The following GRIA2 variants were observed in gnomAD, a reference collection of about 807,000 sequenced individuals.
The protein encoded by GRIA2 is glutamate receptor 2.
Under a neutral mutation model 97.3 loss-of-function variants are expected in GRIA2, and 14 were observed. The observed-to-expected ratio is 0.14, with a 90% CI of 0.10 to 0.23. The LOEUF is 0.23. Among genes scored for constraint, GRIA2 ranks in the 10% least tolerant of loss-of-function variants. GRIA2 has a pLI of 1.00. For missense variants in GRIA2, 558 were observed against 1,069.8 expected, an observed-to-expected ratio of 0.52 and a Z score of 6.67; for synonymous variants, 412 against 387.8, an observed-to-expected ratio of 1.06 and a Z score of -0.73.
intron 2 of GRIA2, among the ~76,000 whole-genome samples, chr4:157,289,754 A>G (rs531907561): frequency 1.3e-5 from 2 of 152,012 alleles, no homozygotes; most frequent in South Asian, 4.1e-4. Context: ...AGACACACAT[A>G]CACAAACACT....
intron 12 of GRIA2, among the ~76,000 whole-genome samples, chr4:157,356,071 ATATT>A (rs1328583714): frequency 4.4e-4 from 44 of 99,092 alleles, no homozygotes; most frequent in Middle Eastern, 6.8e-3. Context: ...TTATATATTT[ATATT>A]TATTTATTTA....
At position 157,247,002 on chromosome 4, in the gene GRIA2, T is replaced by G. The variant is rs949985153; in HGVS notation, c.229+25195T>G. ...TATGCTTTAACTCATTTTCTTTCAC[T>G]AGTAGATAGGAACATGGTACTTGGC... On this transcript the variant is annotated intron_variant, in intron 2 of 15. Transcript: ENST00000264426. Among the ~76,000 whole-genome samples the G allele has an allele frequency of 2.6e-5, 4 of 152,180 alleles. No homozygotes were observed. The East Asian group carries it at 7.7e-4, about 29-fold the overall frequency.
At chr4:157,314,641 TAG>T (rs1560761593) in intron 4 of GRIA2, among the ~76,000 whole-genome samples, 1 of 152,150 alleles carries the variant, frequency 6.6e-6, no homozygotes, top group Non-Finnish European at 1.5e-5. Flanking sequence ...TAATAAATGT[TAG>T]TGAAAGACTA....
At chr4:157,340,271 AGAGTT>A (rs1235176558) in intron 11 of GRIA2, among the ~76,000 whole-genome samples, 2 of 152,004 alleles carry the variant, frequency 1.3e-5, no homozygotes, top group African/African-American at 4.8e-5. Flanking sequence ...TAGACATAGT[AGAGTT>A]ATTGACAACA....
intron 12 of GRIA2, 103 bp downstream of exon 12, chr4:157,341,565 AC>A: frequency 1.3e-6 from 1 of 757,384 alleles, no homozygotes; most frequent in Non-Finnish European, 2.3e-6. Context: ...ATGTGAAAGC[AC>A]CCCTAATTCT....
chr4:157,263,776 T>G (rs1341258148), intron 2 of GRIA2, among the ~76,000 whole-genome samples: 1 of 152,018 alleles, frequency 6.6e-6, no homozygotes, highest in African/African-American at 2.4e-5. Flanking sequence ...ATTCAATAGT[T>G]TTGTCCAATG....
At chr4:157,327,920 T>A (rs1734878074) in intron 6 of GRIA2, among the ~76,000 whole-genome samples, 1 of 152,110 alleles carries the variant, frequency 6.6e-6, no homozygotes, top group Admixed American at 6.6e-5. Flanking sequence ...TAGAATTAAT[T>A]CTGCTTCTTG....
intron 2 of GRIA2, among the ~76,000 whole-genome samples, chr4:157,271,540 T>C (rs1376633456): frequency 1.3e-5 from 2 of 152,112 alleles, no homozygotes; most frequent in East Asian, 3.9e-4. Flanking sequence ...GGGTGAGGTA[T>C]GGGAGGCTGC....
In GRIA2 at chr4:157,332,904, G is replaced by A. The variant is rs142538282; in HGVS notation, c.968G>A (p.Arg323Gln). 2.8e-5 allele frequency: 45 copies of A among 1,612,456 alleles called. No individual in the cohort carries two copies. In the African/African-American group the frequency reaches 4.5e-4, roughly 16 times the overall value. The stretch of plus-strand genomic sequence containing the variant: ...AGGAAGCAAAGAATTGAAATCTCCC[G>A]AAGGGGGAATGCAGGAGACTGTCTG... ...NLRKQRIEIS[R>Q]RGNAGDCLAN... The change falls in exon 7 of 16, where the codon CGA becomes CAA. Residue 323 changes from arginine to glutamine, a missense_variant. By Grantham distance (43) the Arg-to-Gln change is conservative. Around this residue, in one of 8 missense-constraint regions of GRIA2, gnomAD observed 173 missense variants for 209.1 expected, o/e 0.83. Coordinates refer to ENST00000264426, the MANE Select transcript of GRIA2 (RefSeq NM_001083619.3).
chr4:157,335,726 G>A lies in GRIA2; in HGVS notation c.1322G>A (p.Arg441His), dbSNP rs1735254113. ...CATGAAATGCTTGAAGGCAATGAGCGCTATGAGGGCTACTGTGTTGACCTG... is the reference window on the plus strand; with the variant it reads ...CATGAAATGCTTGAAGGCAATGAGCACTATGAGGGCTACTGTGTTGACCTG... ...KNHEMLEGNE[R>H]YEGYCVDLAA... Residue 441 changes from arginine to histidine, a missense_variant, in exon 10 of 16, where the codon CGC becomes CAC. Around this residue, in one of 8 missense-constraint regions of GRIA2, gnomAD observed 41 missense variants for 102.2 expected, o/e 0.40. Transcript: ENST00000264426. 5.0e-6 allele frequency: 8 copies of A among 1,612,110 alleles called. No individual in the cohort carries two copies. The highest frequency in any genetic ancestry group is 1.7e-5 in the Admixed American group (1 of 59,860).
At chr4:157,248,448 T>G (rs1288645824) in intron 2 of GRIA2, among the ~76,000 whole-genome samples, 1 of 145,922 alleles carries the variant, frequency 6.9e-6, no homozygotes, top group Non-Finnish European at 1.5e-5. Flanking sequence ...ACGCTTGTAA[T>G]CCCAACTACT....
At chr4:157,315,575 G>T (rs571876992) in intron 4 of GRIA2, among the ~76,000 whole-genome samples, 1 of 151,584 alleles carries the variant, frequency 6.6e-6, no homozygotes, top group African/African-American at 2.4e-5. Context: ...ACAGATTCTC[G>T]CTCTGTCGCC....
rs1282379545 is a variant in GRIA2 at position 157,341,927 on chromosome 4, G to A, written c.2043+465G>A. On this transcript the variant is annotated intron_variant, in intron 12 of 15. Transcript: ENST00000264426. Reference sequence around the variant, plus strand: ...TATGTGTCGATTCTGAATTTTCTGTGCAAAGCTTCCAAGGAAAAGCCAACA... The same window carrying A: ...TATGTGTCGATTCTGAATTTTCTGTACAAAGCTTCCAAGGAAAAGCCAACA... The A allele has an allele frequency of 2.6e-5, 4 of 154,550 alleles. No individual in the cohort carries two copies. The Admixed American group carries it at 2.6e-4, about 10-fold the overall frequency. The allele number at this position is 154,550 out of a possible 1,614,324, so 9.6% of individuals were successfully genotyped here.
At position 157,322,993 on chromosome 4, in the gene GRIA2, C is replaced by CT. The variant is rs1247066086; in HGVS notation, c.882+1401dup. Among the ~76,000 whole-genome samples, 5 of 152,152 alleles carry CT rather than the reference C, an allele frequency of 3.3e-5. No homozygotes were observed. In the East Asian group the frequency reaches 9.7e-4, roughly 29 times the overall value. ...GATTTTAAAGAAGAACACCAAGTAACTTTTTTTCAAAAACGAGGTGACTTC... is the reference window on the plus strand; with the variant it reads ...GATTTTAAAGAAGAACACCAAGTAACTTTTTTTTCAAAAACGAGGTGACTTC... On this transcript the variant is annotated intron_variant, in intron 6 of 15. Transcript: ENST00000264426.
At chr4:157,233,643 A>C (rs1286605830) in intron 2 of GRIA2, among the ~76,000 whole-genome samples, 1 of 152,078 alleles carries the variant, frequency 6.6e-6, no homozygotes, top group Non-Finnish European at 1.5e-5. Context: ...AAATGCTTAG[A>C]TTAATTTGTC....
chr4:157,295,824 A>T (rs1197065155), intron 2 of GRIA2, among the ~76,000 whole-genome samples: 1 of 152,164 alleles, frequency 6.6e-6, no homozygotes, highest in African/African-American at 2.4e-5. Context: ...CTAACATTAC[A>T]TGCACTATCT....
At chr4:157,268,795 A>G (rs569830836) in intron 2 of GRIA2, among the ~76,000 whole-genome samples, 1 of 152,118 alleles carries the variant, frequency 6.6e-6, no homozygotes, top group South Asian at 2.1e-4. Context: ...CTTAGGATAT[A>G]AGTTATCTTT....
chr4:157,264,291 G>A (rs1044099587), intron 2 of GRIA2, among the ~76,000 whole-genome samples: 6 of 152,068 alleles, frequency 3.9e-5, no homozygotes, highest in African/African-American at 1.2e-4. Context: ...TGTCAGCAGG[G>A]CTGCTTTTCT....
chr4:157,233,574 T>C (rs1438675557), intron 2 of GRIA2, among the ~76,000 whole-genome samples: 1 of 152,120 alleles, frequency 6.6e-6, no homozygotes, highest in Non-Finnish European at 1.5e-5. Context: ...CTTTGTAGAA[T>C]AAGGCTCAGT....
Sources: gnomAD v4.1 joint callset for allele counts (sites outside exome capture counted in the v4.1 genomes callset) on GRCh38, gnomAD v4.1.1 for gene constraint, gnomAD v4.1.1 regional missense constraint, MANE v1.5 for transcripts, NCBI Gene and HGNC (gene_info 2026-07-23, HGNC 2026-07-21) for gene names.